The following COL4A6 variants were observed in gnomAD, a reference collection of about 807,000 sequenced individuals.
COL4A6 encodes the protein collagen alpha-6(IV) chain.
A neutral mutation model predicts 126.7 loss-of-function variants in COL4A6; 59 were observed. That is an observed-to-expected ratio of 0.47 (90% confidence interval 0.38 to 0.58). The LOEUF is 0.58. Among genes scored for constraint, COL4A6 ranks in the 20% least tolerant of loss-of-function variants. The pLI is 0.00. For missense variants in COL4A6, 1,285 were observed against 1,337.3 expected, an observed-to-expected ratio of 0.96 and a Z score of 0.61; for synonymous variants, 547 against 496.6, an observed-to-expected ratio of 1.10 and a Z score of -1.35.
Position 108,211,712 on chromosome X carries a change from C to A in COL4A6, c.470G>T (p.Gly157Val). Reference protein sequence around the residue: ...PGLPGQKGSKGDPVLAPGSFK... With the variant: ...PGLPGQKGSKVDPVLAPGSFK... ...ACTACCTGGAGCAAGGACAGGGTCA[C>A]CTTTTGATCCTTTCTGACCAGGAAG... is the stretch of plus-strand genomic sequence containing the variant. The change falls in exon 7 of 45, where the codon GGT becomes GTT. Residue 157 changes from glycine (G) to valine (V), a missense_variant. By Grantham distance (109) the Gly-to-Val change is moderately radical. Coordinates refer to ENST00000334504, the MANE Select transcript of COL4A6 (RefSeq NM_033641.4). The A allele has an allele frequency of 8.3e-7, 1 of 1,210,949 alleles. No homozygotes were observed. The highest frequency in any genetic ancestry group is 1.1e-6 in the Non-Finnish European group (1 of 894,770).
chrX:108,202,784 A>T, intron 13 of COL4A6, 144 bp downstream of exon 13: 1 of 520,704 alleles, frequency 1.9e-6, no homozygotes, highest in Non-Finnish European at 3.3e-6. Flanking sequence ...AAACAAGAAC[A>T]TCTCCTTAAA....
chrX:108,191,896 C>A (rs1172888550), intron 18 of COL4A6, among the ~76,000 whole-genome samples: 2 of 111,868 alleles, frequency 1.8e-5, no homozygotes, highest in Non-Finnish European at 3.8e-5. Context: ...CAGCCCATCT[C>A]CAAGGAATTT....
At chrX:108,208,920 A>C (rs1040043493) in intron 8 of COL4A6, among the ~76,000 whole-genome samples, 1 of 112,009 alleles carries the variant, frequency 8.9e-6, no homozygotes, top group Non-Finnish European at 1.9e-5. Flanking sequence ...CCTCTCCCCA[A>C]ATTGAAGCAG....
intron 2 of COL4A6, among the ~76,000 whole-genome samples, chrX:108,423,639 C>A (rs1461130220): frequency 9.0e-6 from 1 of 111,650 alleles, no homozygotes; most frequent in Non-Finnish European, 1.9e-5. Context: ...TAAATGCACA[C>A]ACCTCTGACT....
chrX:108,355,176 G>A (rs1025518384), intron 2 of COL4A6, among the ~76,000 whole-genome samples: 4 of 111,275 alleles, frequency 3.6e-5, no homozygotes, highest in Non-Finnish European at 5.7e-5. Flanking sequence ...TAACACTATC[G>A]GGTACCCATT....
intron 2 of COL4A6, chrX:108,383,256 C>G (rs2040603644): frequency 6.5e-6 from 1 of 154,042 alleles, no homozygotes; most frequent in African/African-American, 3.2e-5. Context: ...ACATAATTGA[C>G]TTTAAAACAA....
Position 108,169,496 on chromosome X carries a change from T to C in COL4A6, c.3690A>G (p.Arg1230=), listed in dbSNP as rs775022249. 2 of 1,211,506 alleles carry C rather than the reference T, an allele frequency of 1.7e-6. No individual in the cohort carries two copies. Among genetic ancestry groups the C allele is most frequent in the Non-Finnish European group, 2.2e-6 (2 of 895,338 alleles). ...CTACAAGGCCTGACTTGGACTCACC[T>C]CGATCACCTTTTTGCCCTCTCAGGC... is the stretch of plus-strand genomic sequence containing the variant. ...KPGLRGQKGD[R]GFPGLQGPAG... is the part of the protein sequence containing the mutation. The change falls in exon 37 of 45, where the codon CGA becomes CGG. Residue 1230 remains arginine (R), a splice_region_variant and synonymous_variant. Transcript: ENST00000334504.
At chrX:108,246,795 G>T (rs779731118) in intron 3 of COL4A6, among the ~76,000 whole-genome samples, 6 of 110,633 alleles carry the variant, frequency 5.4e-5, no homozygotes, top group Admixed American at 4.8e-4. Flanking sequence ...GGACAGGAAG[G>T]GGGGTATCTG....
At chrX:108,355,639 G>A (rs1007828476) in intron 2 of COL4A6, among the ~76,000 whole-genome samples, 9 of 111,964 alleles carry the variant, frequency 8.0e-5, no homozygotes. Flanking sequence ...CTGGCAGGGA[G>A]GGACCTACTT....
intron 12 of COL4A6, 29 bp downstream of exon 12, chrX:108,204,291 A>T: frequency 9.3e-7 from 1 of 1,075,836 alleles, no homozygotes; most frequent in Non-Finnish European, 1.2e-6. Context: ...AGTTTTATTA[A>T]TTTTTTCCTA....
chrX:108,344,378 C>T (rs2039661496), intron 2 of COL4A6, among the ~76,000 whole-genome samples: 1 of 111,224 alleles, frequency 9.0e-6, no homozygotes, highest in Admixed American at 9.6e-5. Flanking sequence ...AACAGCTTTA[C>T]AAACAAAACA....
chrX:108,383,877 T>A (rs1440474971), intron 2 of COL4A6: 3 of 502,317 alleles, frequency 6.0e-6, no homozygotes. Context: ...TGGATCTCAA[T>A]GTTGGAAAAA....
At chrX:108,354,608 CT>C (rs879906672) in intron 2 of COL4A6, among the ~76,000 whole-genome samples, 3 of 91,552 alleles carry the variant, frequency 3.3e-5, no homozygotes, top group South Asian at 6.4e-4. Context: ...TCCCCCCCCC[CT>C]TTTTTTTTAC....
intron 3 of COL4A6, among the ~76,000 whole-genome samples, chrX:108,261,169 A>G (rs1417499725): frequency 8.9e-6 from 1 of 111,907 alleles, no homozygotes; most frequent in Non-Finnish European, 1.9e-5. Flanking sequence ...GTGCATAGCT[A>G]TTAAATTTGA....
intron 3 of COL4A6, among the ~76,000 whole-genome samples, chrX:108,222,519 C>T (rs1315356835): frequency 8.9e-6 from 1 of 111,902 alleles, no homozygotes; most frequent in Non-Finnish European, 1.9e-5. Context: ...GCTGTGGCTA[C>T]AGTTAAGTAC....
chrX:108,166,993 T>C (rs6524000), intron 37 of COL4A6, among the ~76,000 whole-genome samples: 25,372 of 111,094 alleles, frequency 0.23, 2,550 homozygotes, highest in East Asian at 0.57. Context: ...AGTACACAAA[T>C]TATAAAAGTT....
intron 2 of COL4A6, among the ~76,000 whole-genome samples, chrX:108,405,184 GTTTTGTTTTTGT>G (rs762592895): frequency 7.1e-4 from 78 of 109,284 alleles, no homozygotes; most frequent in African/African-American, 2.5e-3. Flanking sequence ...TTTTTGTTTT[GTTTTGTTTTTGT>G]TTTTGTTTTT....
intron 2 of COL4A6, among the ~76,000 whole-genome samples, chrX:108,318,982 T>C (rs970059051): frequency 5.3e-5 from 6 of 112,685 alleles, no homozygotes; most frequent in African/African-American, 1.9e-4. Context: ...ATATTCTCTT[T>C]AGAAAGAACC....
chrX:108,305,368 C>T (rs1291846252), intron 3 of COL4A6, among the ~76,000 whole-genome samples: 1 of 111,442 alleles, frequency 9.0e-6, no homozygotes, highest in Non-Finnish European at 1.9e-5. Flanking sequence ...GAGGAGGGTT[C>T]CTAATAATGA....
Sources: gnomAD v4.1 joint callset for allele counts (sites outside exome capture counted in the v4.1 genomes callset) on GRCh38, gnomAD v4.1.1 for gene constraint, MANE v1.5 for transcripts, NCBI Gene and HGNC (gene_info 2026-07-23, HGNC 2026-07-21) for gene names.